The following SEL1L2 variants were observed in gnomAD, a reference collection of about 807,000 sequenced individuals.
SEL1L2 encodes protein sel-1 homolog 2.
SEL1L2 carries 89 observed loss-of-function variants against 98.8 expected under a neutral mutation model. The observed-to-expected ratio is 0.90, with a 90% CI of 0.76 to 1.07. SEL1L2 has a LOEUF of 1.07. SEL1L2 is among the 50% of genes least tolerant of loss of function. The pLI is 0.00. For missense variants in SEL1L2, 788 were observed against 812.0 expected (o/e 0.97, Z 0.36); for synonymous variants, 262 against 278.5 (o/e 0.94, Z 0.59).
rs779584914 is a variant in SEL1L2, at chr20:13,939,035, G to GTTTTTTTTTTTTTTTTTTTT, written c.115-7265_115-7264insAAAAAAAAAAAAAAAAAAAA. On this transcript the variant is annotated intron_variant, in intron 2 of 19. Transcript: ENST00000284951. ...TTTTTTCTTTTTGGTTTGTTTGCTTGTTTTGTTTTTTTTTTTTTTTTTTTC... is the reference window on the plus strand; with the variant it reads ...TTTTTTCTTTTTGGTTTGTTTGCTTGTTTTTTTTTTTTTTTTTTTTTTTTGTTTTTTTTTTTTTTTTTTTC... Among the ~76,000 whole-genome samples, 122 of 31,380 alleles carry GTTTTTTTTTTTTTTTTTTTT rather than the reference G, an allele frequency of 3.9e-3. 5 individuals carry two copies. The highest frequency in any genetic ancestry group is 6.4e-3 in the African/African-American group (59 of 9,280). 20.6% of individuals were successfully genotyped at this position (31,380 alleles called of 152,430 possible).
chr20:13,859,647 A>T (rs1037252904), intron 17 of SEL1L2, among the ~76,000 whole-genome samples: 1 of 152,218 alleles, frequency 6.6e-6, no homozygotes, highest in Non-Finnish European at 1.5e-5. Context: ...AACTGTTTTC[A>T]TTATAGCGTA....
intron 17 of SEL1L2, among the ~76,000 whole-genome samples, chr20:13,862,945 C>G (rs1990408962): frequency 6.6e-6 from 1 of 152,134 alleles, no homozygotes; most frequent in African/African-American, 2.4e-5. Context: ...AATTCTCCCA[C>G]CTCGGTCTCC....
At chr20:13,989,905 T>C (rs1439503060) in intron 1 of SEL1L2, among the ~76,000 whole-genome samples, 1 of 152,106 alleles carries the variant, frequency 6.6e-6, no homozygotes, top group Non-Finnish European at 1.5e-5. Context: ...ACCAAATACA[T>C]ATTTCTTAAA....
intron 10 of SEL1L2, among the ~76,000 whole-genome samples, chr20:13,881,066 G>A (rs1442795489): frequency 1.3e-5 from 2 of 152,050 alleles, no homozygotes; most frequent in Non-Finnish European, 2.9e-5. Context: ...CAGGCTGGAG[G>A]GCAGTTGCGC....
chr20:13,853,221 C>T (rs945319365), intron 18 of SEL1L2, among the ~76,000 whole-genome samples: 2 of 150,862 alleles, frequency 1.3e-5, no homozygotes, highest in African/African-American at 4.9e-5. Flanking sequence ...TTTTTGAAAA[C>T]AGGGTCTCAC....
At chr20:13,947,070 C>A (rs2050046354) in intron 2 of SEL1L2, among the ~76,000 whole-genome samples, 1 of 152,134 alleles carries the variant, frequency 6.6e-6, no homozygotes. Flanking sequence ...TGGAAAGGGG[C>A]AGGTCCCCAC....
intron 10 of SEL1L2, among the ~76,000 whole-genome samples, chr20:13,883,273 G>A (rs1975396938): frequency 6.6e-6 from 1 of 152,192 alleles, no homozygotes; most frequent in South Asian, 2.1e-4. Context: ...GTCTTCTTGG[G>A]ATATGTGGAA....
At chr20:13,949,640 G>A (rs1378185046) in intron 2 of SEL1L2, among the ~76,000 whole-genome samples, 1 of 151,416 alleles carries the variant, frequency 6.6e-6, no homozygotes, top group Non-Finnish European at 1.5e-5. Context: ...TCCAGCCTGG[G>A]CAACAGAGTG....
intron 1 of SEL1L2, among the ~76,000 whole-genome samples, chr20:13,977,749 G>A (rs2051615652): frequency 6.6e-6 from 1 of 152,044 alleles, no homozygotes; most frequent in South Asian, 2.1e-4. Flanking sequence ...TCTCCAATAA[G>A]TGCTACCCTA....
intron 18 of SEL1L2, among the ~76,000 whole-genome samples, chr20:13,851,990 G>C (rs1405552601): frequency 6.6e-6 from 1 of 152,194 alleles, no homozygotes; most frequent in Non-Finnish European, 1.5e-5. Flanking sequence ...ATACAATTCA[G>C]GAGATTGGAA....
chr20:13,931,682 CAGG>C lies in SEL1L2; in HGVS notation c.201_203del (p.Leu68del), dbSNP rs973450218. On this transcript the variant is annotated inframe_deletion, in exon 3 of 20. Coordinates refer to ENST00000284951, the MANE Select transcript of SEL1L2 (RefSeq NM_025229.2). ...TTTTACGTTGATTCTTCTTTTTCTC[CAGG>C]AGATTTTCTCTTTTATTGATTACAT... 1.1e-5 allele frequency: 17 copies of C among 1,541,922 alleles called. No individual in the cohort carries two copies. Among genetic ancestry groups the C allele is most frequent in the East Asian group, 2.3e-5 (1 of 43,068 alleles).
chr20:13,868,796 C>T (rs934899622), intron 14 of SEL1L2, among the ~76,000 whole-genome samples: 1 of 151,836 alleles, frequency 6.6e-6, no homozygotes, highest in African/African-American at 2.4e-5. Flanking sequence ...TTAGTAGACA[C>T]GGGGTTTCAC....
chr20:13,919,965 A>C (rs2048580557), intron 3 of SEL1L2, among the ~76,000 whole-genome samples: 1 of 147,350 alleles, frequency 6.8e-6, no homozygotes, highest in Non-Finnish European at 1.5e-5. Flanking sequence ...GAGGTGGCTC[A>C]CTCCTGTAAT....
chr20:13,894,208 A>G (rs2047327156), intron 5 of SEL1L2, among the ~76,000 whole-genome samples: 2 of 152,194 alleles, frequency 1.3e-5, no homozygotes, highest in African/African-American at 4.8e-5. Flanking sequence ...AATAAAAGAG[A>G]CTAGAAAGCC....
chr20:13,917,668 T>G (rs1257200713), intron 4 of SEL1L2, among the ~76,000 whole-genome samples: 1 of 152,104 alleles, frequency 6.6e-6, no homozygotes, highest in Non-Finnish European at 1.5e-5. Context: ...CCCTGTCTGG[T>G]GCTAGCTACC....
At chr20:13,853,902 C>G (rs1393936630) in intron 18 of SEL1L2, among the ~76,000 whole-genome samples, 2 of 152,220 alleles carry the variant, frequency 1.3e-5, no homozygotes, top group Non-Finnish European at 2.9e-5. Context: ...ACTAATAAAG[C>G]TATACACACA....
At chr20:13,941,720 G>C (rs556684772) in intron 2 of SEL1L2, among the ~76,000 whole-genome samples, 2 of 152,142 alleles carry the variant, frequency 1.3e-5, no homozygotes, top group South Asian at 4.1e-4. Context: ...TGTATATGTG[G>C]TAATACCTTC....
chr20:13,913,625 C>A (rs1009850682), intron 5 of SEL1L2, 157 bp downstream of exon 5: 1 of 560,332 alleles, frequency 1.8e-6, no homozygotes, highest in South Asian at 4.5e-5. Flanking sequence ...CTGCTGTACT[C>A]CTGCCCTGAC....
chr20:13,894,115 A>C (rs950725557), intron 5 of SEL1L2, among the ~76,000 whole-genome samples: 9 of 152,318 alleles, frequency 5.9e-5, no homozygotes, highest in African/African-American at 2.2e-4. Flanking sequence ...AAACAACCTA[A>C]CTTTATACCT....
Sources: gnomAD v4.1 joint callset for allele counts (sites outside exome capture counted in the v4.1 genomes callset) on GRCh38, gnomAD v4.1.1 for gene constraint, MANE v1.5 for transcripts, NCBI Gene and HGNC (gene_info 2026-07-23, HGNC 2026-07-21) for gene names.